Variants in XYLT1 observed in about 807,000 individuals in gnomAD.
The protein encoded by XYLT1 is xylosyltransferase 1.
In XYLT1, 36 loss-of-function variants were observed where a neutral mutation model predicts 91.3. The observed-to-expected ratio is 0.39, with a 90% CI of 0.30 to 0.52. The LOEUF (loss-of-function observed/expected upper bound fraction) is 0.52, where lower values mean the gene tolerates loss of function less well. XYLT1 is among the 20% of genes least tolerant of loss of function. XYLT1 has a pLI of 0.68. For synonymous variants in XYLT1, 588 were observed against 532.0 expected (o/e 1.11, Z -1.45); for missense variants, 1,242 against 1,284.5 (o/e 0.97, Z 0.51).
At chr16:17,134,384 C>A in intron 9 of XYLT1, 89 bp downstream of exon 9, 1 of 1,525,712 alleles carries the variant, frequency 6.6e-7, no homozygotes, top group Non-Finnish European at 8.9e-7. Flanking sequence ...ATTGCAGATC[C>A]CTAAAGAGGA....
chr16:17,202,381 C>T (rs1360755586), intron 3 of XYLT1, among the ~76,000 whole-genome samples: 2 of 152,186 alleles, frequency 1.3e-5, no homozygotes, highest in African/African-American at 4.8e-5. Context: ...ACAAGATTGA[C>T]GTAGATAATA....
At chr16:17,296,536 T>A (rs2034313552) in intron 2 of XYLT1, among the ~76,000 whole-genome samples, 1 of 152,134 alleles carries the variant, frequency 6.6e-6, no homozygotes, top group Non-Finnish European at 1.5e-5. Context: ...GACAGGAAAT[T>A]AGACGTGCAA....
At chr16:17,152,447 A>G (rs899372758) in intron 6 of XYLT1, among the ~76,000 whole-genome samples, 4 of 152,342 alleles carry the variant, frequency 2.6e-5, no homozygotes, top group Non-Finnish European at 5.9e-5. Flanking sequence ...TCCCTATTGG[A>G]GATGAGATAT....
chr16:17,326,860 CA>C (rs569125774), intron 2 of XYLT1, among the ~76,000 whole-genome samples: 17 of 151,300 alleles, frequency 1.1e-4, no homozygotes, highest in African/African-American at 3.9e-4. Context: ...AAAAACACAA[CA>C]AAAAAAACAC....
intron 3 of XYLT1, among the ~76,000 whole-genome samples, chr16:17,223,482 A>G (rs936385474): frequency 6.6e-6 from 1 of 152,256 alleles, no homozygotes; most frequent in African/African-American, 2.4e-5. Context: ...TGCTTTAGCC[A>G]ATAAAATAGA....
At chr16:17,389,482 G>A (rs544958612) in intron 1 of XYLT1, among the ~76,000 whole-genome samples, 5 of 152,206 alleles carry the variant, frequency 3.3e-5, no homozygotes, top group Non-Finnish European at 7.3e-5. Context: ...AGAAGGTTGA[G>A]AAAGGAGTAC....
chr16:17,301,934 C>G (rs538838533), intron 2 of XYLT1, among the ~76,000 whole-genome samples: 2 of 152,070 alleles, frequency 1.3e-5, no homozygotes, highest in African/African-American at 2.4e-5. Context: ...TGTCAGGGCT[C>G]GGCACAGTGG....
In XYLT1 at chr16:17,297,496, T is replaced by C. The variant is rs148089786; in HGVS notation, c.403-37998A>G. Among the ~76,000 whole-genome samples, 742 of 151,768 alleles carry C rather than the reference T, an allele frequency of 4.9e-3. 8 individuals are homozygous for C. Among genetic ancestry groups the C allele is most frequent in the African/African-American group, 0.017 (717 of 41,376 alleles). On this transcript the variant is annotated intron_variant, in intron 2 of 11. Transcript: ENST00000261381. The stretch of plus-strand genomic sequence containing the variant: ...TCTAGGAAGCCAAGGCAAGATCACT[T>C]GAGGCCAGCGGTTCAAGACCAGCCT...
At chr16:17,232,796 G>A (rs1427303971) in intron 3 of XYLT1, among the ~76,000 whole-genome samples, 5 of 151,944 alleles carry the variant, frequency 3.3e-5, no homozygotes, top group Non-Finnish European at 5.9e-5. Context: ...GGCGGCCTTC[G>A]TCATGGTGTT....
At chr16:17,413,127 A>G (rs976073735) in intron 1 of XYLT1, among the ~76,000 whole-genome samples, 1 of 152,242 alleles carries the variant, frequency 6.6e-6, no homozygotes, top group South Asian at 2.1e-4. Context: ...CGCAGTAGGC[A>G]GTCAGTGAAT....
At chr16:17,241,919 T>C (rs1368257285) in intron 3 of XYLT1, among the ~76,000 whole-genome samples, 1 of 152,184 alleles carries the variant, frequency 6.6e-6, no homozygotes, top group African/African-American at 2.4e-5. Flanking sequence ...TTTAATGGAC[T>C]CACAGTTCCA....
intron 2 of XYLT1, among the ~76,000 whole-genome samples, chr16:17,309,386 C>G (rs944745243): frequency 2.0e-5 from 3 of 152,184 alleles, no homozygotes; most frequent in African/African-American, 7.2e-5. Flanking sequence ...TGGGTCCTCA[C>G]TCAGCAAATA....
intron 1 of XYLT1, among the ~76,000 whole-genome samples, chr16:17,409,380 C>T: frequency 6.6e-6 from 1 of 152,094 alleles, no homozygotes; most frequent in East Asian, 1.9e-4. Flanking sequence ...ATGCATAAGC[C>T]AATCAGCAAT....
intron 2 of XYLT1, among the ~76,000 whole-genome samples, chr16:17,285,417 A>G (rs1440664431): frequency 2.0e-5 from 3 of 152,206 alleles, no homozygotes; most frequent in Non-Finnish European, 4.4e-5. Flanking sequence ...CTCCAGCATT[A>G]TTCTGGAGAG....
At chr16:17,156,860 A>G (rs1370065686) in intron 6 of XYLT1, among the ~76,000 whole-genome samples, 2 of 152,188 alleles carry the variant, frequency 1.3e-5, no homozygotes, top group Non-Finnish European at 2.9e-5. Flanking sequence ...GGCTGTGAGT[A>G]GGGGCAGGAA....
At chr16:17,278,075 T>A (rs2034004689) in intron 2 of XYLT1, among the ~76,000 whole-genome samples, 1 of 152,158 alleles carries the variant, frequency 6.6e-6, no homozygotes, top group Non-Finnish European at 1.5e-5. Flanking sequence ...ACATGAGGCA[T>A]CTAGTTCGGG....
At chr16:17,263,396 C>G (rs1248080393) in intron 2 of XYLT1, among the ~76,000 whole-genome samples, 1 of 152,066 alleles carries the variant, frequency 6.6e-6, no homozygotes, top group Non-Finnish European at 1.5e-5. Context: ...ATGATTAATA[C>G]CCGCTCTCTA....
chr16:17,321,679 G>T (rs886154428), intron 2 of XYLT1, among the ~76,000 whole-genome samples: 6 of 152,100 alleles, frequency 3.9e-5, no homozygotes, highest in Admixed American at 1.3e-4. Flanking sequence ...TCTCCTTAGA[G>T]CAGTGGTTCT....
At chr16:17,272,408 C>T (rs2033911266) in intron 2 of XYLT1, among the ~76,000 whole-genome samples, 1 of 151,940 alleles carries the variant, frequency 6.6e-6, no homozygotes, top group East Asian at 1.9e-4. Context: ...AAGTGATCTG[C>T]CTCCCTTGGC....
Sources: gnomAD v4.1 joint callset for allele counts (sites outside exome capture counted in the v4.1 genomes callset) on GRCh38, gnomAD v4.1.1 for gene constraint, MANE v1.5 for transcripts, NCBI Gene and HGNC (gene_info 2026-07-23, HGNC 2026-07-21) for gene names.